The following BMP5 variants were observed in gnomAD, a reference collection of about 807,000 sequenced individuals.
BMP5 encodes the protein bone morphogenetic protein 5.
BMP5 carries 23 observed loss-of-function variants against 46.6 expected under a neutral mutation model. The ratio of observed to expected loss-of-function variants is 0.49; its 90% confidence interval spans 0.35 to 0.70. The LOEUF is 0.70. Among genes scored for constraint, BMP5 ranks in the 30% least tolerant of loss-of-function variants. BMP5 has a pLI of 0.00. For missense variants in BMP5, 545 were observed against 565.6 expected (o/e 0.96, Z 0.37); for synonymous variants, 204 against 191.9 (o/e 1.06, Z -0.52).
chr6:55,789,468 G>C (rs1775524841), intron 3 of BMP5, among the ~76,000 whole-genome samples: 1 of 151,942 alleles, frequency 6.6e-6, no homozygotes, highest in Admixed American at 6.6e-5. Flanking sequence ...TTTAAAGTTA[G>C]ATTAAATTGC....
chr6:55,827,482 C>T (rs144906909), intron 1 of BMP5, among the ~76,000 whole-genome samples: 29 of 151,560 alleles, frequency 1.9e-4, no homozygotes, highest in South Asian at 1.2e-3. Context: ...TGGTGGAACA[C>T]GTAGCACATA....
At position 55,835,464 on chromosome 6, in the gene BMP5, C is replaced by A. The variant is rs188953738; in HGVS notation, c.491-15617G>T. ...ACATTTAGCATTACATACTAACTTGCAAATCAACTCAAACTGCAAATCTAG... is the reference window on the plus strand; with the variant it reads ...ACATTTAGCATTACATACTAACTTGAAAATCAACTCAAACTGCAAATCTAG... On this transcript the variant is annotated intron_variant, in intron 1 of 6. Transcript: ENST00000370830. 4.3e-3 allele frequency among the ~76,000 whole-genome samples: 660 copies of A among 152,304 alleles called. 1 individual carries two copies. The highest frequency in any genetic ancestry group is 6.8e-3 in the Middle Eastern group (2 of 294).
At chr6:55,854,742 CTTTCA>C (rs1777343844) in intron 1 of BMP5, among the ~76,000 whole-genome samples, 1 of 151,972 alleles carries the variant, frequency 6.6e-6, no homozygotes, top group South Asian at 2.1e-4. Context: ...TTAAATCATC[CTTTCA>C]TTTCTAGAAT....
At chr6:55,800,677 A>C (rs1313475097) in intron 2 of BMP5, among the ~76,000 whole-genome samples, 2 of 152,232 alleles carry the variant, frequency 1.3e-5, no homozygotes, top group African/African-American at 4.8e-5. Context: ...GTTTGATGTG[A>C]AATCAATGAG....
chr6:55,821,659 CA>C (rs1562055105), intron 1 of BMP5, among the ~76,000 whole-genome samples: 1 of 152,112 alleles, frequency 6.6e-6, no homozygotes, highest in Non-Finnish European at 1.5e-5. Flanking sequence ...TAAATAAGGA[CA>C]AAAAACCCAT....
intron 2 of BMP5, among the ~76,000 whole-genome samples, chr6:55,798,380 A>C (rs574087946): frequency 6.6e-6 from 1 of 152,344 alleles, no homozygotes; most frequent in East Asian, 1.9e-4. Context: ...CCTGGATGTG[A>C]ATAGTCTGTC....
intron 2 of BMP5, among the ~76,000 whole-genome samples, chr6:55,801,541 C>T (rs1472891041): frequency 2.0e-5 from 3 of 152,294 alleles, no homozygotes; most frequent in Admixed American, 6.5e-5. Context: ...CTGACTCTGT[C>T]CTGTGGACCT....
chr6:55,863,951 T>C (rs912877398), intron 1 of BMP5, among the ~76,000 whole-genome samples: 1 of 152,032 alleles, frequency 6.6e-6, no homozygotes, highest in African/African-American at 2.4e-5. Flanking sequence ...ATAATATTGG[T>C]ACAGTGATGA....
At chr6:55,781,428 C>A (rs1431377970) in intron 3 of BMP5, among the ~76,000 whole-genome samples, 1 of 152,036 alleles carries the variant, frequency 6.6e-6, no homozygotes, top group Non-Finnish European at 1.5e-5. Flanking sequence ...TGTGTTACAA[C>A]ATCAATGACA....
chr6:55,840,513 A>G (rs913783756), intron 1 of BMP5, among the ~76,000 whole-genome samples: 1 of 152,102 alleles, frequency 6.6e-6, no homozygotes, highest in East Asian at 1.9e-4. Context: ...GATTTCTTTC[A>G]TGATACTGAT....
intron 1 of BMP5, among the ~76,000 whole-genome samples, chr6:55,850,575 A>G (rs1582118475): frequency 6.6e-6 from 1 of 152,122 alleles, no homozygotes; most frequent in South Asian, 2.1e-4. Context: ...AATTTTATCC[A>G]GTGTAAGCCT....
chr6:55,844,862 C>T (rs2127547036), intron 1 of BMP5, among the ~76,000 whole-genome samples: 1 of 151,866 alleles, frequency 6.6e-6, no homozygotes, highest in South Asian at 2.1e-4. Flanking sequence ...AAAATGTTTT[C>T]CAAAAGACCT....
At chr6:55,838,263 T>G (rs1298315523) in intron 1 of BMP5, among the ~76,000 whole-genome samples, 1 of 152,164 alleles carries the variant, frequency 6.6e-6, no homozygotes, top group Non-Finnish European at 1.5e-5. Flanking sequence ...CCAGCAACAG[T>G]GTACCAGGGT....
Position 55,847,068 on chromosome 6 carries a change from A to G in BMP5, c.491-27221T>C, listed in dbSNP as rs112144630. On this transcript the variant is annotated intron_variant, in intron 1 of 6. Transcript: ENST00000370830. ...CAGTCCCAAACATTGTATACCCTCT[A>G]TTCCATTATCTCATAGACTAGGCAC... Among the ~76,000 whole-genome samples, 764 of 152,030 alleles carry G rather than the reference A, an allele frequency of 5.0e-3. 2 individuals carry two copies. The highest frequency in any genetic ancestry group is 0.018 in the African/African-American group (729 of 41,540).
chr6:55,851,860 A>G (rs1333334967), intron 1 of BMP5, among the ~76,000 whole-genome samples: 2 of 152,168 alleles, frequency 1.3e-5, no homozygotes, highest in East Asian at 1.9e-4. Flanking sequence ...TATGAAAAGC[A>G]TCCTTTTAAG....
intron 1 of BMP5, among the ~76,000 whole-genome samples, chr6:55,844,116 T>C (rs1355899994): frequency 1.3e-5 from 2 of 152,002 alleles, no homozygotes; most frequent in Non-Finnish European, 1.5e-5. Flanking sequence ...AAGTATGATA[T>C]TATTTATCCT....
intron 2 of BMP5, among the ~76,000 whole-genome samples, chr6:55,806,847 C>A (rs1299199553): frequency 1.3e-5 from 2 of 152,100 alleles, no homozygotes; most frequent in Admixed American, 1.3e-4. Context: ...AATGGGAGTT[C>A]ATTCATGATT....
chr6:55,874,892 T>G lies in BMP5; in HGVS notation c.-27A>C, dbSNP rs200426560. Reference sequence around the variant, plus strand: ...TTTGTCCAAAAGCAAAAGTTGATATTTTTAGTCCTTCTTGTCCTCTTAAAA... The same window carrying G: ...TTTGTCCAAAAGCAAAAGTTGATATGTTTAGTCCTTCTTGTCCTCTTAAAA... On this transcript the variant is annotated 5_prime_UTR_variant, in exon 1 of 7. Coordinates refer to ENST00000370830, the MANE Select transcript of BMP5 (RefSeq NM_021073.4). 1 of 1,611,738 alleles carries G rather than the reference T, an allele frequency of 6.2e-7. No homozygotes were observed. Among genetic ancestry groups the G allele is most frequent in the East Asian group, 2.2e-5 (1 of 44,744 alleles).
chr6:55,805,391 C>T (rs1325620747), intron 2 of BMP5, among the ~76,000 whole-genome samples: 1 of 152,068 alleles, frequency 6.6e-6, no homozygotes, highest in Non-Finnish European at 1.5e-5. Context: ...CTCATGCTCT[C>T]CCTCCCCTTG....
Sources: gnomAD v4.1 joint callset for allele counts (sites outside exome capture counted in the v4.1 genomes callset) on GRCh38, gnomAD v4.1.1 for gene constraint, MANE v1.5 for transcripts, NCBI Gene and HGNC (gene_info 2026-07-23, HGNC 2026-07-21) for gene names.